The following HMCN2 variants were observed in gnomAD, a reference collection of about 807,000 sequenced individuals.
HMCN2 encodes hemicentin 2.
A neutral mutation model predicts 377.5 loss-of-function variants in HMCN2; 325 were observed. The ratio of observed to expected loss-of-function variants is 0.86; its 90% CI spans 0.79 to 0.94. The LOEUF is 0.94. HMCN2 is among the 40% of genes least tolerant of loss of function. The pLI is 0.00. For missense variants in HMCN2, 4,543 were observed against 4,725.3 expected, an observed-to-expected ratio of 0.96 and a Z score of 1.13; for synonymous variants, 2,007 against 2,046.8, an observed-to-expected ratio of 0.98 and a Z score of 0.53.
chr9:130,354,459 GT>G (rs1459154722), intron 31 of HMCN2, among the ~76,000 whole-genome samples: 5 of 152,184 alleles, frequency 3.3e-5, no homozygotes, highest in Non-Finnish European at 7.4e-5. Flanking sequence ...GACCTGCTGT[GT>G]ATAGGCACTG....
chr9:130,326,114 G>T (rs1165031372), intron 21 of HMCN2, 144 bp downstream of exon 21: 25 of 152,346 alleles, frequency 1.6e-4, no homozygotes, highest in African/African-American at 5.8e-4. Flanking sequence ...CACAGGACCC[G>T]CGTCCCCAGC....
At position 130,306,834 on chromosome 9, in the gene HMCN2, C is replaced by A. The variant is rs1554936978; in HGVS notation, c.1982C>A (p.Thr661Asn). Reference protein sequence around the residue: ...DSRIHVDAQGTLIIQGVAPED... With the variant: ...DSRIHVDAQGNLIIQGVAPED... ...AGAATCCATGTGGACGCACAGGGAACCCTGATTATTCAGGGGGTAGCCCCA... is the reference window on the plus strand; with the variant it reads ...AGAATCCATGTGGACGCACAGGGAAACCTGATTATTCAGGGGGTAGCCCCA... Residue 661 changes from threonine (T) to asparagine (N), a missense_variant, in exon 13 of 98, where the codon ACC becomes AAC. Physicochemically the swap from Thr to Asn is moderately conservative, Grantham distance 65. Coordinates refer to ENST00000683500, the MANE Select transcript of HMCN2 (RefSeq NM_001291815.2). The A allele has an allele frequency of 2.1e-6, 1 of 470,642 alleles. No homozygotes were observed. The highest frequency in any genetic ancestry group is 4.4e-6 in the Non-Finnish European group (1 of 226,716). 29.2% of individuals were successfully genotyped at this position (470,642 alleles called of 1,614,324 possible). A position where few individuals can be genotyped will look rare whatever the true frequency, so the allele number is the denominator to read the frequency against.
intron 1 of HMCN2, among the ~76,000 whole-genome samples, chr9:130,280,920 ATGG>A (rs1262898114): frequency 6.6e-6 from 1 of 152,104 alleles, no homozygotes; most frequent in Non-Finnish European, 1.5e-5. Context: ...CCTGGCCAAC[ATGG>A]TGAAACTCTG....
At position 130,279,337 on chromosome 9, in the gene HMCN2, T is replaced by A. The variant is rs188111037; in HGVS notation, c.260-5266T>A. Among the ~76,000 whole-genome samples, 152 of 152,190 alleles carry A rather than the reference T, an allele frequency of 1.0e-3. 2 individuals carry two copies. In the East Asian group the frequency reaches 0.028, roughly 29 times the overall value. On this transcript the variant is annotated intron_variant, in intron 1 of 97. Coordinates refer to ENST00000683500, the MANE Select transcript of HMCN2 (RefSeq NM_001291815.2). ...TTAGAAAGGTGGGGGTCTTCAGATCTCTTCCTCCTCAACATTGTTGTTTTG... is the reference window on the plus strand; with the variant it reads ...TTAGAAAGGTGGGGGTCTTCAGATCACTTCCTCCTCAACATTGTTGTTTTG...
At chr9:130,358,145 G>A (rs569646958) in intron 35 of HMCN2, among the ~76,000 whole-genome samples, 157 bp downstream of exon 35, 3 of 152,196 alleles carry the variant, frequency 2.0e-5, no homozygotes, top group African/African-American at 4.8e-5. Context: ...AGCCTCTTCC[G>A]GGTCCTAGGA....
At position 130,395,960 on chromosome 9, in the gene HMCN2, TTC is replaced by T. The variant is rs1842586958; in HGVS notation, c.10949_10950del (p.Phe3650SerfsTer10). On this transcript the variant is annotated frameshift_variant, in exon 72 of 98. Transcript: ENST00000683500. LOFTEE classifies it high-confidence loss of function. ...CACACAATTCCCGGAGCGGGGCAGG[TTC>T]CTCCAGCTGCAGGCCCTGAGCACGG... The part of the protein sequence containing the change: ...AHTQFPERGR[F>X]LQLQALSTAD... 1 of 1,287,386 alleles carries T rather than the reference TTC, an allele frequency of 7.8e-7. No individual in the cohort carries two copies. The allele number at this position is 1,287,386 out of a possible 1,614,324, so 79.7% of individuals were successfully genotyped here. A position where few individuals can be genotyped will look rare whatever the true frequency, so the allele number is the denominator to read the frequency against.
intron 46 of HMCN2, among the ~76,000 whole-genome samples, chr9:130,371,555 A>T (rs1232727498): frequency 6.6e-6 from 1 of 152,222 alleles, no homozygotes; most frequent in Non-Finnish European, 1.5e-5. Flanking sequence ...TTGCTGGTAT[A>T]CAAATGAGGA....
intron 1 of HMCN2, among the ~76,000 whole-genome samples, chr9:130,283,629 A>T (rs1224099506): frequency 6.6e-6 from 1 of 151,882 alleles, no homozygotes; most frequent in Non-Finnish European, 1.5e-5. Flanking sequence ...GTTTTTCTTC[A>T]CCTTAGATTA....
rs1201596965 is a variant in HMCN2, at chr9:130,396,035, A to T, written c.11023A>T (p.Thr3675Ser). ...SCTARNAAGS[T>S]SVAFRVEIHT... The stretch of plus-strand genomic sequence containing the variant: ...CACAGCCCGCAACGCCGCAGGCAGC[A>T]CTAGTGTCGCCTTCCGCGTGGAGAT... Residue 3675 changes from threonine to serine, a missense_variant, in exon 72 of 98, where the codon ACT (threonine) becomes TCT (serine). Thr to Ser is a moderately conservative substitution (Grantham distance 58, BLOSUM62 1). Coordinates refer to ENST00000683500, the MANE Select transcript of HMCN2 (RefSeq NM_001291815.2). 6.5e-5 allele frequency: 84 copies of T among 1,286,714 alleles called. No homozygotes were observed. Among genetic ancestry groups the T allele is most frequent in the Non-Finnish European group, 8.4e-5 (83 of 988,254 alleles). The allele number at this position is 1,286,714 out of a possible 1,614,324, so 79.7% of individuals were successfully genotyped here.
chr9:130,385,767 G>A lies in HMCN2; in HGVS notation c.9309+5G>A. ...CTGGAGATCCAGGAAGCCCAGGTGA[G>A]CAACCCTGGGGGCACGGGCAGCCAT... On this transcript the variant is annotated splice_donor_5th_base_variant and intron_variant, in intron 60 of 97. Transcript: ENST00000683500. The A allele has an allele frequency of 7.7e-7, 1 of 1,303,084 alleles. No homozygotes were observed. The highest frequency in any genetic ancestry group is 1.0e-6 in the Non-Finnish European group (1 of 988,692). The allele number at this position is 1,303,084 out of a possible 1,614,324, so 80.7% of individuals were successfully genotyped here. A position where few individuals can be genotyped will look rare whatever the true frequency, so the allele number is the denominator to read the frequency against.
intron 15 of HMCN2, among the ~76,000 whole-genome samples, chr9:130,311,784 C>G (rs995183575): frequency 5.9e-5 from 9 of 152,126 alleles, no homozygotes; most frequent in African/African-American, 2.2e-4. Context: ...AGGACGGCTG[C>G]CACCTGGTAC....
chr9:130,424,942 G>A, intron 88 of HMCN2, 29 bp downstream of exon 88: 2 of 1,478,494 alleles, frequency 1.4e-6, no homozygotes, highest in South Asian at 1.4e-5. Context: ...AGGTGGGCCA[G>A]GTAGGACTAA....
chr9:130,373,185 G>T (rs1371572681), intron 48 of HMCN2, 61 bp downstream of exon 48: 1 of 558,678 alleles, frequency 1.8e-6, no homozygotes, highest in Non-Finnish European at 2.3e-6. Flanking sequence ...TCAGAAAGGA[G>T]GGGATCCCTG....
intron 23 of HMCN2, among the ~76,000 whole-genome samples, chr9:130,339,174 C>G (rs1272055386): frequency 6.6e-6 from 1 of 151,998 alleles, no homozygotes; most frequent in Non-Finnish European, 1.5e-5. Flanking sequence ...GGCAACAGTG[C>G]GAGACCCTGT....
rs1588457104 is a variant in HMCN2 at position 130,432,510 on chromosome 9, T to G, written c.14849T>G (p.Val4950Gly). ...AACACCCGTGGCAGCTACCAGTGTG[T>G]GGACACACCCTGTCCTGCCACCTAC... is the stretch of plus-strand genomic sequence containing the variant. ...CFNTRGSYQC[V>G]DTPCPATYRQ... Residue 4950 changes from valine (V) to glycine (G), a missense_variant, in exon 97 of 98, where the codon GTG (valine) becomes GGG (glycine). Physicochemically the swap from Val to Gly is moderately radical, Grantham distance 109. Transcript: ENST00000683500. 1 of 1,550,666 alleles carries G rather than the reference T, an allele frequency of 6.4e-7. No homozygotes were observed. The highest frequency in any genetic ancestry group is 8.7e-7 in the Non-Finnish European group (1 of 1,147,010).
rs1458163172 is a variant in HMCN2 at position 130,319,543 on chromosome 9, G to A, written c.2399G>A (p.Gly800Glu). ...ELPRDVTVEL[G>E]RSALLACRAT... The stretch of plus-strand genomic sequence containing the variant: ...CCCCGGGATGTCACTGTGGAACTGG[G>A]GAGGAGTGCCCTCTTGGCATGCCGG... The change falls in exon 16 of 98, where the codon GGG becomes GAG. Residue 800 changes from glycine (G) to glutamate (E), a missense_variant. By Grantham distance (98) the Gly-to-Glu change is moderately conservative. Around this residue, in one of 5 missense-constraint regions of HMCN2, gnomAD observed 547 missense variants for 189.9 expected, o/e 2.88. Transcript: ENST00000683500. The A allele has an allele frequency of 6.6e-6, 1 of 152,262 alleles. No homozygotes were observed. The highest frequency in any genetic ancestry group is 2.4e-5 in the African/African-American group (1 of 41,428). 9.4% of individuals were successfully genotyped at this position (152,262 alleles called of 1,614,324 possible).
Position 130,351,162 on chromosome 9 carries a change from C to G in HMCN2, c.4431-261C>G, listed in dbSNP as rs373221850. ...CCTTTTGTGTCTGGCTTCTTCCACT[C>G]GGCATATTTTCCAGGTTCATCCATA... On this transcript the variant is annotated intron_variant, in intron 29 of 97. Transcript: ENST00000683500. The surrounding 1 kb of genome is among the most constrained non-coding windows in gnomAD (Gnocchi z 5.4). Among the ~76,000 whole-genome samples the G allele has an allele frequency of 6.6e-6, 1 of 152,180 alleles. No homozygotes were observed. The highest frequency in any genetic ancestry group is 1.5e-5 in the Non-Finnish European group (1 of 68,042).
At chr9:130,318,792 T>A (rs1837696903) in intron 15 of HMCN2, among the ~76,000 whole-genome samples, 1 of 152,182 alleles carries the variant, frequency 6.6e-6, no homozygotes, top group Non-Finnish European at 1.5e-5. Context: ...ATGTATAAGG[T>A]CACGTTATTT....
intron 87 of HMCN2, 147 bp from the exon 88 acceptor site, chr9:130,424,629 C>G (rs1844220207): frequency 1.7e-5 from 12 of 703,250 alleles, no homozygotes; most frequent in Non-Finnish European, 2.2e-5. Flanking sequence ...AAATAATTGG[C>G]ATGGCAGTCA....
Sources: allele counts gnomAD v4.1 joint callset (sites outside exome capture counted in the v4.1 genomes callset), GRCh38; gene constraint gnomAD v4.1.1; regional missense constraint gnomAD v4.1.1; non-coding constraint Gnocchi (gnomAD v3.1); transcripts MANE v1.5; gene names NCBI Gene and HGNC (gene_info 2026-07-23, HGNC 2026-07-21).